NRCAM: variants seen among roughly 807,000 people sequenced by gnomAD.
The protein encoded by NRCAM is neuronal cell adhesion molecule.
NRCAM carries 83 observed loss-of-function variants against 156.5 expected under a neutral mutation model. The observed-to-expected ratio is 0.53, with a 90% CI of 0.44 to 0.64. The LOEUF (loss-of-function observed/expected upper bound fraction) is 0.64. Among genes scored for constraint, NRCAM ranks in the 30% least tolerant of loss-of-function variants. NRCAM has a pLI of 0.00. For missense variants in NRCAM, 1,417 were observed against 1,597.3 expected (o/e 0.89, Z 1.92); for synonymous variants, 538 against 563.9 (o/e 0.95, Z 0.65).
intron 3 of NRCAM, among the ~76,000 whole-genome samples, chr7:108,306,478 T>C (rs1237743919): frequency 2.0e-5 from 3 of 152,228 alleles, no homozygotes; most frequent in Non-Finnish European, 2.9e-5. Context: ...ATTTCTTCTA[T>C]GGCTGAACCT....
chr7:108,202,193 T>C (rs949707154), intron 13 of NRCAM, among the ~76,000 whole-genome samples: 5 of 152,160 alleles, frequency 3.3e-5, no homozygotes, highest in African/African-American at 4.8e-5. Flanking sequence ...GCCACAAAGA[T>C]AAGGTCCAGA....
chr7:108,345,661 G>A (rs986885359), intron 2 of NRCAM, among the ~76,000 whole-genome samples: 1 of 152,142 alleles, frequency 6.6e-6, no homozygotes, highest in African/African-American at 2.4e-5. Flanking sequence ...CACCATATGA[G>A]GATACAGCAA....
chr7:108,307,085 TG>T (rs1433420730), intron 3 of NRCAM, among the ~76,000 whole-genome samples: 1 of 152,186 alleles, frequency 6.6e-6, no homozygotes, highest in African/African-American at 2.4e-5. Context: ...TAGACACTTC[TG>T]TCAGATGATA....
intron 2 of NRCAM, among the ~76,000 whole-genome samples, chr7:108,317,819 G>C (rs944844179): frequency 9.3e-5 from 14 of 150,572 alleles, no homozygotes; most frequent in African/African-American, 3.2e-4. Flanking sequence ...TGAGGCAGGA[G>C]AATCACTTGA....
intron 11 of NRCAM, among the ~76,000 whole-genome samples, chr7:108,215,708 C>A (rs771353260): frequency 2.4e-4 from 36 of 147,522 alleles, no homozygotes; most frequent in Non-Finnish European, 5.0e-4. Context: ...TCTGTTTTAT[C>A]AGACTACAAC....
rs1394851270 is a variant in NRCAM at position 108,148,505 on chromosome 7, G to T, written c.*1405C>A. 6.6e-6 allele frequency: 1 copy of T among 152,610 alleles called. No homozygotes were observed. The highest frequency in any genetic ancestry group is 2.1e-4 in the South Asian group (1 of 4,830). The allele number at this position is 152,610 out of a possible 1,614,324, so 9.5% of individuals were successfully genotyped here. ...AGGTTGTTATAGATTTTCATATTTG[G>T]AGGTAACCCATTTGATAGATATTGT... On this transcript the variant is annotated 3_prime_UTR_variant, in exon 33 of 33. Transcript: ENST00000379028.
intron 2 of NRCAM, among the ~76,000 whole-genome samples, chr7:108,343,754 T>G (rs954799667): frequency 2.6e-5 from 4 of 152,210 alleles, no homozygotes; most frequent in Non-Finnish European, 1.5e-5. Flanking sequence ...ACCAAATCAT[T>G]ATTTACTAGA....
At chr7:108,370,099 A>G (rs749543219) in intron 2 of NRCAM, among the ~76,000 whole-genome samples, 10 of 152,164 alleles carry the variant, frequency 6.6e-5, no homozygotes, top group Non-Finnish European at 1.3e-4. Context: ...GAAGAATTTA[A>G]CTGTAGTTCT....
chr7:108,152,542 G>T (rs138886596), intron 32 of NRCAM, among the ~76,000 whole-genome samples: 1 of 151,850 alleles, frequency 6.6e-6, no homozygotes, highest in Non-Finnish European at 1.5e-5. Context: ...CCCTGGGAGG[G>T]TTTCAAAGAA....
intron 28 of NRCAM, among the ~76,000 whole-genome samples, chr7:108,170,652 T>C (rs2057936521): frequency 6.6e-6 from 1 of 152,222 alleles, no homozygotes; most frequent in Admixed American, 6.5e-5. Context: ...AACCAAACTG[T>C]GCTCTGGCCA....
intron 3 of NRCAM, among the ~76,000 whole-genome samples, chr7:108,311,341 T>A (rs532238005): frequency 1.3e-5 from 2 of 152,330 alleles, no homozygotes; most frequent in East Asian, 3.9e-4. Flanking sequence ...TGGTACTTAC[T>A]ATCACATTGC....
chr7:108,275,823 G>A (rs1591329556), intron 3 of NRCAM, among the ~76,000 whole-genome samples: 1 of 152,130 alleles, frequency 6.6e-6, no homozygotes, highest in East Asian at 1.9e-4. Flanking sequence ...TAATTGTGAT[G>A]TTAGGGTGTT....
chr7:108,452,064 C>T (rs1362463157), intron 1 of NRCAM, among the ~76,000 whole-genome samples: 3 of 152,192 alleles, frequency 2.0e-5, no homozygotes, highest in Non-Finnish European at 2.9e-5. Context: ...CAGTTGCTGA[C>T]GCTGAAGGCT....
At position 108,147,851 on chromosome 7, in the gene NRCAM, T is replaced by C. The variant is rs1475577212; in HGVS notation, c.*2059A>G. 2 of 152,656 alleles carry C rather than the reference T, an allele frequency of 1.3e-5. No homozygotes were observed. The highest frequency in any genetic ancestry group is 2.9e-5 in the Non-Finnish European group (2 of 68,034). The allele number at this position is 152,656 out of a possible 1,614,324, so 9.5% of individuals were successfully genotyped here. ...CAGAAGTGACCCTTTCATGCACAGA[T>C]AAATTTCGCATCTACCAGTATGGAA... On this transcript the variant is annotated 3_prime_UTR_variant, in exon 33 of 33. Coordinates refer to ENST00000379028, the MANE Select transcript of NRCAM (RefSeq NM_001037132.4).
chr7:108,161,465 C>T (rs1263851635), intron 30 of NRCAM, among the ~76,000 whole-genome samples: 11 of 152,190 alleles, frequency 7.2e-5, no homozygotes, highest in Non-Finnish European at 4.4e-5. Context: ...TGCAGATTTG[C>T]TTAATTAACT....
intron 22 of NRCAM, among the ~76,000 whole-genome samples, chr7:108,183,283 A>G (rs989546989): frequency 6.3e-5 from 6 of 95,374 alleles, no homozygotes; most frequent in Non-Finnish European, 1.5e-4. Context: ...TTTTATTTGC[A>G]GATGGAAACT....
intron 1 of NRCAM, among the ~76,000 whole-genome samples, chr7:108,435,815 G>C (rs544017600): frequency 6.6e-6 from 1 of 152,184 alleles, no homozygotes; most frequent in Non-Finnish European, 1.5e-5. Context: ...GTTGAGAATC[G>C]AAAGGCACAG....
intron 3 of NRCAM, among the ~76,000 whole-genome samples, chr7:108,246,303 C>A (rs531268784): frequency 2.6e-5 from 4 of 152,130 alleles, no homozygotes; most frequent in African/African-American, 9.7e-5. Context: ...GGTGGGTGTT[C>A]AGCCTTTGTC....
At chr7:108,164,486 T>A (rs2052320845) in intron 30 of NRCAM, among the ~76,000 whole-genome samples, 1 of 150,762 alleles carries the variant, frequency 6.6e-6, no homozygotes, top group Non-Finnish European at 1.5e-5. Context: ...GAATGCAGAG[T>A]TTAAAAATTA....
Sources: allele counts gnomAD v4.1 joint callset (sites outside exome capture counted in the v4.1 genomes callset), GRCh38; gene constraint gnomAD v4.1.1; transcripts MANE v1.5; gene names NCBI Gene and HGNC (gene_info 2026-07-23, HGNC 2026-07-21).